TBC1D22A: variants seen among roughly 807,000 people sequenced by gnomAD.
TBC1D22A encodes putative GTPase activator.
In TBC1D22A, 38 loss-of-function variants were observed where a neutral mutation model predicts 60.2. The ratio of observed to expected loss-of-function variants is 0.63; its 90% CI spans 0.49 to 0.83. The LOEUF (loss-of-function observed/expected upper bound fraction) is 0.83, where lower values mean the gene tolerates loss of function less well. Among genes scored for constraint, TBC1D22A ranks in the 40% least tolerant of loss-of-function variants. TBC1D22A has a pLI of 0.00. For missense variants in TBC1D22A, 628 were observed against 701.0 expected, an observed-to-expected ratio of 0.90 and a Z score of 1.18; for synonymous variants, 302 against 281.7, an observed-to-expected ratio of 1.07 and a Z score of -0.72.
intron 4 of TBC1D22A, among the ~76,000 whole-genome samples, chr22:46,866,411 A>G (rs1382681596): frequency 1.3e-5 from 2 of 152,192 alleles, no homozygotes; most frequent in Non-Finnish European, 2.9e-5. Flanking sequence ...GACCCCAAAA[A>G]TGAAGATCTT....
intron 4 of TBC1D22A, among the ~76,000 whole-genome samples, chr22:46,846,772 A>G (rs2087016215): frequency 6.6e-6 from 1 of 151,856 alleles, no homozygotes; most frequent in Non-Finnish European, 1.5e-5. Flanking sequence ...TTCGGCGGGT[A>G]TCAAGATATG....
At chr22:46,890,711 A>T (rs913953749) in intron 5 of TBC1D22A, among the ~76,000 whole-genome samples, 1 of 152,332 alleles carries the variant, frequency 6.6e-6, no homozygotes, top group African/African-American at 2.4e-5. Context: ...TCTGACTTCA[A>T]GTCCCCTTTA....
intron 4 of TBC1D22A, among the ~76,000 whole-genome samples, chr22:46,878,326 A>AGGGG (rs144004279): frequency 1.4e-4 from 1 of 7,228 alleles, no homozygotes; most frequent in African/African-American, 4.5e-4. Context: ...TGGGAGGGAG[A>AGGGG]GAGAGAAGGA....
chr22:47,011,875 C>T (rs2061763362), intron 10 of TBC1D22A, among the ~76,000 whole-genome samples: 1 of 152,020 alleles, frequency 6.6e-6, no homozygotes, highest in East Asian at 1.9e-4. Flanking sequence ...GCTACATCCC[C>T]TGTAAAAGTG....
Position 46,845,100 on chromosome 22 carries a change from G to A in TBC1D22A, c.638-33553G>A, listed in dbSNP as rs568980251. Among the ~76,000 whole-genome samples, 3 of 152,348 alleles carry A rather than the reference G, an allele frequency of 2.0e-5. No homozygotes were observed. The South Asian group carries it at 6.2e-4, about 32-fold the overall frequency. ...ATCTGCAGGCGGTTGCCTGTGCCAG[G>A]AGAAGGCCATTTTGGTGAGACGAGG... On this transcript the variant is annotated intron_variant, in intron 4 of 12. Transcript: ENST00000337137.
At chr22:47,069,114 A>G (rs2063872401) in intron 11 of TBC1D22A, among the ~76,000 whole-genome samples, 1 of 152,224 alleles carries the variant, frequency 6.6e-6, no homozygotes, top group Non-Finnish European at 1.5e-5. Context: ...GGCTAATTAT[A>G]TTGTACATTG....
intron 5 of TBC1D22A, among the ~76,000 whole-genome samples, chr22:46,886,032 C>T (rs899647671): frequency 2.0e-5 from 3 of 151,772 alleles, no homozygotes; most frequent in South Asian, 2.1e-4. Context: ...CACAGCTTCC[C>T]GAGTAGCTGG....
chr22:46,865,413 A>G (rs879469367), intron 4 of TBC1D22A, among the ~76,000 whole-genome samples: 3 of 152,242 alleles, frequency 2.0e-5, no homozygotes, highest in Non-Finnish European at 4.4e-5. Context: ...CCCTGGTTTT[A>G]AAAATGGAGT....
chr22:46,896,001 C>T (rs192400965), intron 7 of TBC1D22A, among the ~76,000 whole-genome samples: 2 of 152,178 alleles, frequency 1.3e-5, no homozygotes, highest in East Asian at 1.9e-4. Flanking sequence ...TGTGAGTGTT[C>T]CCTCCGCACG....
At chr22:46,902,820 T>C (rs1391191205) in intron 7 of TBC1D22A, among the ~76,000 whole-genome samples, 1 of 150,192 alleles carries the variant, frequency 6.7e-6, no homozygotes, top group Non-Finnish European at 1.5e-5. Context: ...ACACGAAGAC[T>C]CAGATGTCTC....
At chr22:47,143,829 C>T (rs1315453733) in intron 12 of TBC1D22A, among the ~76,000 whole-genome samples, 2 of 152,208 alleles carry the variant, frequency 1.3e-5, no homozygotes, top group Admixed American at 6.5e-5. Context: ...AGGGCTGGGC[C>T]CGGAGGTGAA....
chr22:47,167,395 G>A (rs536787744), intron 12 of TBC1D22A, among the ~76,000 whole-genome samples: 11 of 152,296 alleles, frequency 7.2e-5, no homozygotes, highest in African/African-American at 2.4e-4. Flanking sequence ...TCACTCCAGC[G>A]GTTCACCAAG....
chr22:46,884,579 A>G (rs566317465), intron 5 of TBC1D22A, among the ~76,000 whole-genome samples: 3 of 152,280 alleles, frequency 2.0e-5, no homozygotes, highest in African/African-American at 7.2e-5. Context: ...GCTGTCCTCG[A>G]AAGGGCAGCC....
chr22:47,011,121 C>T (rs112703868), intron 10 of TBC1D22A, among the ~76,000 whole-genome samples: 4,486 of 152,288 alleles, frequency 0.029, 105 homozygotes, highest in South Asian at 0.087. Flanking sequence ...TCAGCTTCCC[C>T]GCAGGCTGGA....
chr22:47,043,629 C>G (rs911351358), intron 11 of TBC1D22A, among the ~76,000 whole-genome samples: 4 of 152,008 alleles, frequency 2.6e-5, no homozygotes, highest in Admixed American at 6.5e-5. Flanking sequence ...GAGGAGGCTT[C>G]CTGGGGAGAC....
chr22:46,987,058 A>G (rs549884164), intron 9 of TBC1D22A, among the ~76,000 whole-genome samples: 79 of 152,144 alleles, frequency 5.2e-4, no homozygotes, highest in African/African-American at 1.8e-3. Context: ...GGATAGTCAG[A>G]CCTCTTGCTG....
intron 12 of TBC1D22A, among the ~76,000 whole-genome samples, chr22:47,124,160 C>G (rs981345329): frequency 6.6e-6 from 1 of 152,128 alleles, no homozygotes; most frequent in African/African-American, 2.4e-5. Context: ...CACGCCTGAG[C>G]TGAGCATTTG....
chr22:46,961,843 G>A (rs1399205202), intron 8 of TBC1D22A, among the ~76,000 whole-genome samples: 1 of 152,252 alleles, frequency 6.6e-6, no homozygotes, highest in African/African-American at 2.4e-5. Flanking sequence ...AGAGAGGCAT[G>A]TGAGAGCCCT....
chr22:47,147,306 C>T (rs1006681233), intron 12 of TBC1D22A, among the ~76,000 whole-genome samples: 3 of 152,234 alleles, frequency 2.0e-5, no homozygotes, highest in Non-Finnish European at 2.9e-5. Context: ...TATTCCTCCC[C>T]GTAAAAGGTG....
Sources: allele counts gnomAD v4.1 joint callset (sites outside exome capture counted in the v4.1 genomes callset), GRCh38; gene constraint gnomAD v4.1.1; transcripts MANE v1.5; gene names NCBI Gene and HGNC (gene_info 2026-07-23, HGNC 2026-07-21).